MTUS1: variants seen among roughly 807,000 people sequenced by gnomAD.
MTUS1 encodes the protein microtubule associated scaffold protein 1, also known as microtubule-associated tumor suppressor 1.
A neutral mutation model predicts 120.8 loss-of-function variants in MTUS1; 109 were observed. The ratio of observed to expected loss-of-function variants is 0.90; its 90% CI spans 0.77 to 1.06. The LOEUF (loss-of-function observed/expected upper bound fraction) is 1.06. Ranked by LOEUF, MTUS1 falls within the 50% of genes least tolerant of loss-of-function variation. MTUS1 has a pLI of 0.00. For missense variants in MTUS1, 2,210 were observed against 1,486.3 expected (o/e 1.49, Z -8.01); for synonymous variants, 737 against 550.5 (o/e 1.34, Z -4.74).
At chr8:17,720,620 T>C (rs1410378962) in intron 4 of MTUS1, among the ~76,000 whole-genome samples, 2 of 152,182 alleles carry the variant, frequency 1.3e-5, no homozygotes, top group Admixed American at 6.5e-5. Context: ...TCTTTGGACC[T>C]TACTTTCCTG....
intron 7 of MTUS1, among the ~76,000 whole-genome samples, chr8:17,677,455 TC>T (rs1049883677): frequency 2.7e-4 from 41 of 152,306 alleles, no homozygotes; most frequent in African/African-American, 9.9e-4. Context: ...GAAAATTCAA[TC>T]ATTTTTCAAA....
intron 1 of MTUS1, among the ~76,000 whole-genome samples, chr8:17,761,330 C>T (rs1318705793): frequency 3.9e-5 from 6 of 152,102 alleles, no homozygotes; most frequent in Non-Finnish European, 8.8e-5. Flanking sequence ...ACCTAAAGAA[C>T]TGAATCATTA....
At chr8:17,704,619 G>A (rs1021633376) in intron 6 of MTUS1, among the ~76,000 whole-genome samples, 7 of 151,958 alleles carry the variant, frequency 4.6e-5, no homozygotes, top group Admixed American at 6.6e-5. Flanking sequence ...TTATTCCATC[G>A]GTCTATGTTT....
At chr8:17,669,191 C>T (rs1230075347) in intron 8 of MTUS1, among the ~76,000 whole-genome samples, 1 of 152,252 alleles carries the variant, frequency 6.6e-6, no homozygotes, top group Non-Finnish European at 1.5e-5. Flanking sequence ...GAAAAGCACA[C>T]TAGAAGGCAC....
chr8:17,681,004 G>A (rs896555725), intron 7 of MTUS1, among the ~76,000 whole-genome samples: 2 of 151,918 alleles, frequency 1.3e-5, no homozygotes, highest in South Asian at 4.2e-4. Context: ...TGCGATCTTG[G>A]CTCACTGCCA....
At chr8:17,694,522 G>T (rs1424301792) in intron 6 of MTUS1, among the ~76,000 whole-genome samples, 1 of 151,952 alleles carries the variant, frequency 6.6e-6, no homozygotes, top group Non-Finnish European at 1.5e-5. Context: ...AAAGAAATTA[G>T]CCGGGTATGG....
At chr8:17,762,787 G>C (rs1373378812) in intron 1 of MTUS1, among the ~76,000 whole-genome samples, 1 of 150,832 alleles carries the variant, frequency 6.6e-6, no homozygotes, top group Non-Finnish European at 1.5e-5. Context: ...CTGGGCCTTT[G>C]GTTGGTCAAC....
chr8:17,721,010 A>G (rs1585944415), intron 4 of MTUS1, among the ~76,000 whole-genome samples: 1 of 152,198 alleles, frequency 6.6e-6, no homozygotes, highest in South Asian at 2.1e-4. Context: ...CATTATTTCT[A>G]TAGGATCCCA....
chr8:17,707,803 A>G (rs1439962719), intron 6 of MTUS1, among the ~76,000 whole-genome samples: 1 of 152,246 alleles, frequency 6.6e-6, no homozygotes, highest in African/African-American at 2.4e-5. Context: ...CACAATTTAG[A>G]AATCAGAAAT....
At chr8:17,702,066 A>G (rs1230033645) in intron 6 of MTUS1, among the ~76,000 whole-genome samples, 6 of 152,128 alleles carry the variant, frequency 3.9e-5, no homozygotes, top group Admixed American at 6.5e-5. Context: ...GTTGTTTCCA[A>G]TTTTCCCCCA....
chr8:17,726,005 A>ACCC (rs1428932844), intron 3 of MTUS1, among the ~76,000 whole-genome samples: 1 of 151,920 alleles, frequency 6.6e-6, no homozygotes, highest in Non-Finnish European at 1.5e-5. Flanking sequence ...CCATGCCTCT[A>ACCC]CCCCTTCATA....
At chr8:17,699,078 C>T (rs66957559) in intron 6 of MTUS1, among the ~76,000 whole-genome samples, 65,065 of 151,990 alleles carry the variant, frequency 0.43, 15,084 homozygotes, top group Middle Eastern at 0.59. Context: ...TAAAAACAAA[C>T]AGAAGAACAG....
chr8:17,690,305 A>G (rs1050511720), intron 6 of MTUS1, among the ~76,000 whole-genome samples: 15 of 152,218 alleles, frequency 9.9e-5, no homozygotes, highest in African/African-American at 3.6e-4. Flanking sequence ...ACTAATCATC[A>G]GAGAAATGCA....
At chr8:17,799,575 G>A (rs551941916) in intron 1 of MTUS1, among the ~76,000 whole-genome samples, 1 of 152,074 alleles carries the variant, frequency 6.6e-6, no homozygotes, top group Non-Finnish European at 1.5e-5. Context: ...GGGCTATTAA[G>A]TAACAGGCTT....
chr8:17,752,679 A>T (rs2048291441), intron 2 of MTUS1, among the ~76,000 whole-genome samples: 1 of 152,152 alleles, frequency 6.6e-6, no homozygotes, highest in South Asian at 2.1e-4. Context: ...GCCCTTCTGC[A>T]CTTGCTATTC....
At chr8:17,757,427 T>G (rs914552045) in intron 1 of MTUS1, among the ~76,000 whole-genome samples, 1 of 152,246 alleles carries the variant, frequency 6.6e-6, no homozygotes. Context: ...TGATGATGGC[T>G]GCACAATGTT....
At chr8:17,744,683 TGTTTTC>T (rs1350565405) in intron 2 of MTUS1, among the ~76,000 whole-genome samples, 38 of 145,402 alleles carry the variant, frequency 2.6e-4, no homozygotes, top group African/African-American at 9.4e-4. Flanking sequence ...GGTTTCACCA[TGTTTTC>T]TTTTTTTTTT....
At chr8:17,715,992 G>T in intron 4 of MTUS1, 91 bp from the exon 5 acceptor site, 1 of 1,179,000 alleles carries the variant, frequency 8.5e-7, no homozygotes. Flanking sequence ...ACCAACAAAT[G>T]CTCAATAAGC....
chr8:17,646,910 C>G, intron 14 of MTUS1, 72 bp downstream of exon 14: 2 of 1,039,804 alleles, frequency 1.9e-6, no homozygotes, highest in Non-Finnish European at 3.0e-6. Flanking sequence ...AGGGGTAGAG[C>G]GTGTCCAGAA....
Sources: allele counts gnomAD v4.1 joint callset (sites outside exome capture counted in the v4.1 genomes callset), GRCh38; gene constraint gnomAD v4.1.1; transcripts MANE v1.5; gene names NCBI Gene and HGNC (gene_info 2026-07-23, HGNC 2026-07-21).